The following RAI14 variants were observed in gnomAD, a reference collection of about 807,000 sequenced individuals.
RAI14 encodes ankycorbin.
RAI14 carries 45 observed loss-of-function variants against 115.4 expected under a neutral mutation model. That is an observed-to-expected ratio of 0.39 (90% CI 0.31 to 0.50). RAI14 has a LOEUF of 0.50. Among genes scored for constraint, RAI14 ranks in the 20% least tolerant of loss-of-function variants. RAI14 has a pLI of 0.85. For missense variants in RAI14, 939 were observed against 1,131.2 expected (o/e 0.83, Z 2.44); for synonymous variants, 371 against 415.4 (o/e 0.89, Z 1.30).
intron 4 of RAI14, among the ~76,000 whole-genome samples, chr5:34,799,043 G>A (rs1017954195): frequency 6.6e-6 from 1 of 152,144 alleles, no homozygotes; most frequent in African/African-American, 2.4e-5. Flanking sequence ...AGCATGCAAA[G>A]AGAACACGGG....
intron 2 of RAI14, among the ~76,000 whole-genome samples, chr5:34,733,917 G>T (rs866008714): frequency 2.6e-5 from 4 of 152,132 alleles, no homozygotes; most frequent in African/African-American, 9.7e-5. Flanking sequence ...TCCCCCAAGG[G>T]CAGCCATCTT....
chr5:34,698,014 T>G (rs934233108), intron 2 of RAI14, among the ~76,000 whole-genome samples: 1 of 151,514 alleles, frequency 6.6e-6, no homozygotes, highest in Non-Finnish European at 1.5e-5. Flanking sequence ...TATTGCTGAT[T>G]CTTTTCTCCC....
intron 4 of RAI14, among the ~76,000 whole-genome samples, chr5:34,800,975 C>T (rs465124): frequency 0.91 from 137,971 of 152,250 alleles, 63,324 homozygotes; most frequent in Non-Finnish European, 0.99. Flanking sequence ...TGCTTGTCCA[C>T]AGAAACAGTG....
At chr5:34,760,732 T>C (rs921812078) in intron 3 of RAI14, among the ~76,000 whole-genome samples, 8 of 152,248 alleles carry the variant, frequency 5.3e-5, no homozygotes, top group Admixed American at 5.2e-4. Context: ...TTTATTGTGG[T>C]AAAATGCGTA....
At chr5:34,753,264 T>C (rs1456328074) in intron 2 of RAI14, among the ~76,000 whole-genome samples, 1 of 152,148 alleles carries the variant, frequency 6.6e-6, no homozygotes, top group Non-Finnish European at 1.5e-5. Context: ...TGAATTACTT[T>C]GGGATGTTAT....
Position 34,777,161 on chromosome 5 carries a change from A to G in RAI14, c.168-18778A>G, listed in dbSNP as rs1346328915. Among the ~76,000 whole-genome samples, 29 of 152,132 alleles carry G rather than the reference A, an allele frequency of 1.9e-4. 1 individual carries two copies. Among genetic ancestry groups the G allele is most frequent in the Non-Finnish European group, 1.2e-4 (8 of 68,022 alleles). On this transcript the variant is annotated intron_variant, in intron 3 of 17. Coordinates refer to ENST00000265109, the MANE Select transcript of RAI14 (RefSeq NM_015577.3). ...AGCCTGGGCAACAGAATGATACACTATCTCAAGAGACAACAACAACAACAA... is the reference window on the plus strand; with the variant it reads ...AGCCTGGGCAACAGAATGATACACTGTCTCAAGAGACAACAACAACAACAA...
At chr5:34,829,834 A>C (rs756030591) in intron 17 of RAI14, 37 bp downstream of exon 17, 2 of 1,505,818 alleles carry the variant, frequency 1.3e-6, no homozygotes, top group Non-Finnish European at 1.8e-6. Context: ...GGACATCCTA[A>C]AGAAATACGG....
At chr5:34,692,614 T>C (rs1047374727) in intron 2 of RAI14, among the ~76,000 whole-genome samples, 1 of 151,650 alleles carries the variant, frequency 6.6e-6, no homozygotes, top group Admixed American at 6.6e-5. Flanking sequence ...GCTAAGCCTT[T>C]TTTTTTTTTA....
In RAI14 at chr5:34,824,318, A is replaced by T. The variant is rs1450915632; in HGVS notation, c.2476A>T (p.Ser826Cys). The change falls in exon 15 of 18, where the codon AGT becomes TGT. Residue 826 changes from serine to cysteine, a missense_variant. Transcript: ENST00000265109. Reference protein sequence around the residue: ...KVHSEVVQIRSEVSQVKREKE... With the variant: ...KVHSEVVQIRCEVSQVKREKE... ...CCATTCAGAGGTTGTCCAGATTAGA[A>T]GTGAGGTCTCACAGGTGAAAAGAGA... 33 of 1,614,114 alleles carry T rather than the reference A, an allele frequency of 2.0e-5. No individual in the cohort carries two copies. The highest frequency in any genetic ancestry group is 2.8e-5 in the Non-Finnish European group (33 of 1,180,042).
intron 3 of RAI14, among the ~76,000 whole-genome samples, chr5:34,779,456 T>C (rs1392010353): frequency 6.6e-6 from 1 of 152,224 alleles, no homozygotes; most frequent in African/African-American, 2.4e-5. Context: ...GATGACATGA[T>C]TGTATATCTA....
At chr5:34,700,493 C>G (rs1739934092) in intron 2 of RAI14, among the ~76,000 whole-genome samples, 2 of 152,182 alleles carry the variant, frequency 1.3e-5, no homozygotes, top group South Asian at 4.1e-4. Flanking sequence ...CCCTGCAGTT[C>G]CAGCCCAGTT....
rs754031141 is a variant in RAI14 at position 34,824,467 on chromosome 5, A to C, written c.2625A>C (p.Lys875Asn). ...AAAGATACGCTGAGAGCTCTTCAAA[A>C]CTGGAGGAAGATAAAGATAAAAAGG... ...EMKRYAESSS[K>N]LEEDKDKKIN... The change falls in exon 15 of 18, where the codon AAA becomes AAC. Residue 875 changes from lysine (K) to asparagine (N), a missense_variant. Transcript: ENST00000265109. 1 of 1,580,722 alleles carries C rather than the reference A, an allele frequency of 6.3e-7. No homozygotes were observed. The highest frequency in any genetic ancestry group is 1.2e-5 in the South Asian group (1 of 85,502).
intron 2 of RAI14, among the ~76,000 whole-genome samples, chr5:34,694,436 C>G (rs1738984946): frequency 1.3e-5 from 2 of 152,226 alleles, no homozygotes; most frequent in Admixed American, 1.3e-4. Context: ...CTCAGTATGT[C>G]CATAAAGATG....
chr5:34,799,685 A>ATTTTTTTTTTTTTTTTTTTTTTTTTT (rs57115550), intron 4 of RAI14, among the ~76,000 whole-genome samples: 4 of 103,398 alleles, frequency 3.9e-5, no homozygotes, highest in African/African-American at 1.6e-4. Context: ...ATCTGTTAGC[A>ATTTTTTTTTTTTTTTTTTTTTTTTTT]TTTTTTTTTT....
chr5:34,656,574 A>C (rs573617524), intron 1 of RAI14, 99 bp downstream of exon 1: 3 of 150,958 alleles, frequency 2.0e-5, no homozygotes, highest in Non-Finnish European at 2.9e-5. Flanking sequence ...GGCGCTGGGG[A>C]CGGCGCCCGG....
chr5:34,772,434 C>T (rs371600439), intron 3 of RAI14, among the ~76,000 whole-genome samples: 1 of 152,198 alleles, frequency 6.6e-6, no homozygotes, highest in Non-Finnish European at 1.5e-5. Flanking sequence ...ACTTCTCTGC[C>T]TCAGTTTTCC....
At position 34,732,826 on chromosome 5, in the gene RAI14, T is replaced by C. The variant is rs147609455; in HGVS notation, c.37-24642T>C. On this transcript the variant is annotated intron_variant, in intron 2 of 17. Transcript: ENST00000265109. ...TATGTATATATATAATATGTATATA[T>C]ATTTTTTCTCTAATAGGATTACTTC... Among the ~76,000 whole-genome samples, 92 of 150,010 alleles carry C rather than the reference T, an allele frequency of 6.1e-4. No individual in the cohort carries two copies. The East Asian group carries it at 0.016, about 27-fold the overall frequency.
intron 1 of RAI14, among the ~76,000 whole-genome samples, chr5:34,679,677 G>C (rs142013523): frequency 6.6e-6 from 1 of 152,238 alleles, no homozygotes; most frequent in Non-Finnish European, 1.5e-5. Context: ...GCACGTGACT[G>C]GGGGGATGCT....
intron 2 of RAI14, among the ~76,000 whole-genome samples, chr5:34,746,779 T>C (rs1746289725): frequency 1.3e-5 from 2 of 152,152 alleles, no homozygotes; most frequent in African/African-American, 2.4e-5. Flanking sequence ...GTTCCTGATA[T>C]GTCTTGGCTG....
Sources: allele counts gnomAD v4.1 joint callset (sites outside exome capture counted in the v4.1 genomes callset), GRCh38; gene constraint gnomAD v4.1.1; transcripts MANE v1.5; gene names NCBI Gene and HGNC (gene_info 2026-07-23, HGNC 2026-07-21).